The following MAF variants were observed in gnomAD, a reference collection of about 807,000 sequenced individuals.
MAF encodes the protein MAF bZIP transcription factor.
A neutral mutation model predicts 22.0 loss-of-function variants in MAF; 10 were observed. The ratio of observed to expected loss-of-function variants is 0.45; its 90% CI spans 0.28 to 0.77. The LOEUF is 0.77. Ranked by LOEUF, MAF falls within the 30% of genes least tolerant of loss-of-function variation. The pLI is 0.12. For synonymous variants in MAF, 337 were observed against 255.8 expected, an observed-to-expected ratio of 1.32 and a Z score of -3.03; for missense variants, 544 against 548.4, an observed-to-expected ratio of 0.99 and a Z score of 0.08.
At chr16:79,220,408 T>TGA in the MAF span, among the ~76,000 whole-genome samples, 5 of 152,114 alleles carry the variant, frequency 3.3e-5, no homozygotes, top group Non-Finnish European at 7.4e-5. Context: ...CATTAGAAAA[T>TGA]TTGCATGTAT....
chr16:79,441,960 G>A, the MAF span, among the ~76,000 whole-genome samples: 6 of 152,324 alleles, frequency 3.9e-5, no homozygotes, highest in African/African-American at 1.4e-4. Context: ...CAGAGCAAAA[G>A]GTCATGTGAA....
At chr16:79,579,114 C>T in the MAF span, among the ~76,000 whole-genome samples, 1 of 152,116 alleles carries the variant, frequency 6.6e-6, no homozygotes, top group Non-Finnish European at 1.5e-5. Flanking sequence ...AAAAGTCTTC[C>T]AAGCTAAGGA....
At chr16:79,381,731 T>C in the MAF span, among the ~76,000 whole-genome samples, 1 of 152,170 alleles carries the variant, frequency 6.6e-6, no homozygotes, top group Non-Finnish European at 1.5e-5. Context: ...GGTTACACTA[T>C]TTCTCAACAG....
chr16:79,524,267 C>G, the MAF span, among the ~76,000 whole-genome samples: 1 of 152,204 alleles, frequency 6.6e-6, no homozygotes, highest in African/African-American at 2.4e-5. Context: ...GCTGCATTAG[C>G]CGGGGGCTAT....
At chr16:79,513,136 G>T in the MAF span, among the ~76,000 whole-genome samples, 2 of 152,214 alleles carry the variant, frequency 1.3e-5, no homozygotes, top group Non-Finnish European at 1.5e-5. Flanking sequence ...CTCTCACACT[G>T]GTCCTCACCA....
At chr16:79,447,262 G>A in the MAF span, among the ~76,000 whole-genome samples, 1 of 151,630 alleles carries the variant, frequency 6.6e-6, no homozygotes. Context: ...AACAATGTCT[G>A]GATGACAGCA....
At chr16:79,547,955 G>T in the MAF span, among the ~76,000 whole-genome samples, 1 of 90,430 alleles carries the variant, frequency 1.1e-5, no homozygotes. Context: ...TAGCATCGAT[G>T]GTATAGGAAG....
At chr16:79,220,082 C>A in the MAF span, among the ~76,000 whole-genome samples, 1 of 151,678 alleles carries the variant, frequency 6.6e-6, no homozygotes, top group South Asian at 2.1e-4. Flanking sequence ...ATGGTGGAAC[C>A]CTGTCTCTAC....
At chr16:79,243,963 A>C in the MAF span, among the ~76,000 whole-genome samples, 116 of 152,216 alleles carry the variant, frequency 7.6e-4, no homozygotes, top group African/African-American at 2.6e-3. Context: ...CAATGAAAAA[A>C]ACCACGTGTT....
At chr16:79,478,818 G>A in the MAF span, among the ~76,000 whole-genome samples, 1 of 151,906 alleles carries the variant, frequency 6.6e-6, no homozygotes, top group African/African-American at 2.4e-5. Context: ...CACCACCCTG[G>A]CATACCTGTA....
chr16:79,492,749 T>C, the MAF span, among the ~76,000 whole-genome samples: 17 of 152,048 alleles, frequency 1.1e-4, no homozygotes, highest in South Asian at 2.1e-4. Context: ...AACATACTCA[T>C]GGGAGAAAGA....
the MAF span, among the ~76,000 whole-genome samples, chr16:79,272,577 C>T: frequency 2.2e-4 from 33 of 152,168 alleles, no homozygotes; most frequent in Non-Finnish European, 4.1e-4. Flanking sequence ...ACCACGTGGC[C>T]CCACCCATCT....
chr16:79,272,449 C>G, the MAF span, among the ~76,000 whole-genome samples: 1 of 152,196 alleles, frequency 6.6e-6, no homozygotes, highest in East Asian at 1.9e-4. Flanking sequence ...GACTCTACGG[C>G]CAAAGACATC....
At chr16:79,214,279 G>A in the MAF span, among the ~76,000 whole-genome samples, 1 of 152,126 alleles carries the variant, frequency 6.6e-6, no homozygotes, top group Non-Finnish European at 1.5e-5. Context: ...CTTGGCCACA[G>A]TACCTTGAAC....
the MAF span, among the ~76,000 whole-genome samples, chr16:79,371,152 G>A: frequency 6.6e-6 from 1 of 151,984 alleles, no homozygotes; most frequent in Admixed American, 6.6e-5. Flanking sequence ...TGGTGTTTTG[G>A]TGGGAGTGCC....
the MAF span, among the ~76,000 whole-genome samples, chr16:79,543,646 T>C: frequency 2.0e-5 from 3 of 151,726 alleles, no homozygotes; most frequent in African/African-American, 7.3e-5. Flanking sequence ...TGTTTACAGC[T>C]GAACAATTTC....
the MAF span, among the ~76,000 whole-genome samples, chr16:79,452,283 G>A: frequency 6.6e-6 from 1 of 152,160 alleles, no homozygotes; most frequent in Non-Finnish European, 1.5e-5. Context: ...TAAATTATGA[G>A]CAACTCTAAG....
chr16:79,482,192 TC>T, the MAF span, among the ~76,000 whole-genome samples: 1 of 152,216 alleles, frequency 6.6e-6, no homozygotes, highest in South Asian at 2.1e-4. Context: ...TAACAGCCTG[TC>T]CTCCTAATAA....
the MAF span, among the ~76,000 whole-genome samples, chr16:79,412,837 G>C: frequency 6.6e-6 from 1 of 152,204 alleles, no homozygotes; most frequent in Admixed American, 6.5e-5. Flanking sequence ...GGCGGCACTA[G>C]AGATAATATG....
Sources: gnomAD v4.1 joint callset for allele counts (sites outside exome capture counted in the v4.1 genomes callset) on GRCh38, gnomAD v4.1.1 for gene constraint, MANE v1.5 for transcripts, NCBI Gene and HGNC (gene_info 2026-07-23, HGNC 2026-07-21) for gene names.